PGS1: variants seen among roughly 807,000 people sequenced by gnomAD.
PGS1 encodes CDP-diacylglycerol--glycerol-3-phosphate 3-phosphatidyltransferase, mitochondrial.
In PGS1, 44 loss-of-function variants were observed where a neutral mutation model predicts 58.3. The ratio of observed to expected loss-of-function variants is 0.75; its 90% CI spans 0.59 to 0.97. The LOEUF is 0.97. PGS1 is among the 50% of genes least tolerant of loss of function. PGS1 has a pLI of 0.00. For synonymous variants in PGS1, 330 were observed against 311.0 expected (o/e 1.06, Z -0.64); for missense variants, 684 against 731.1 (o/e 0.94, Z 0.74).
At chr17:78,420,311 A>T in intron 9 of PGS1, 6 of 789,984 alleles carry the variant, frequency 7.6e-6, no homozygotes, top group African/African-American at 1.9e-5. Flanking sequence ...GTGGGGTCCC[A>T]CAGTCACCTG....
At chr17:78,404,113 C>T (rs1246354272) in intron 7 of PGS1, 24 bp downstream of exon 7, 60 of 1,493,426 alleles carry the variant, frequency 4.0e-5, no homozygotes, top group Admixed American at 1.9e-4. Flanking sequence ...GGCTGGAGGA[C>T]GTTCCAGTGT....
chr17:78,402,397 C>T (rs901712280), intron 6 of PGS1, among the ~76,000 whole-genome samples: 1 of 108,288 alleles, frequency 9.2e-6, no homozygotes, highest in African/African-American at 3.2e-5. Flanking sequence ...AATTTCTATT[C>T]ATATATATAT....
chr17:78,394,479 A>G (rs2083075376), intron 2 of PGS1, among the ~76,000 whole-genome samples: 1 of 151,906 alleles, frequency 6.6e-6, no homozygotes. Flanking sequence ...TTTGTACCGA[A>G]TGATGCTGCA....
intron 1 of PGS1, among the ~76,000 whole-genome samples, chr17:78,387,076 C>T (rs1274119667): frequency 1.3e-5 from 2 of 152,104 alleles, no homozygotes; most frequent in African/African-American, 2.4e-5. Context: ...AGTGGTGTGA[C>T]CTCTGCAACC....
intron 3 of PGS1, among the ~76,000 whole-genome samples, chr17:78,397,589 A>AC (rs34040603): frequency 0.17 from 22,464 of 129,722 alleles, 1,963 homozygotes; most frequent in African/African-American, 0.25. Flanking sequence ...GGCATGCGCC[A>AC]CCCCCCCAGC....
intron 7 of PGS1, among the ~76,000 whole-genome samples, chr17:78,409,679 G>A (rs995289946): frequency 6.6e-6 from 1 of 152,230 alleles, no homozygotes; most frequent in African/African-American, 2.4e-5. Flanking sequence ...GGATAAGCCT[G>A]TGATGTCTTC....
Position 78,403,904 on chromosome 17 carries a change from A to G in PGS1, c.1217A>G (p.Tyr406Cys). The G allele has an allele frequency of 6.2e-7, 1 of 1,614,172 alleles. No individual in the cohort carries two copies. The highest frequency in any genetic ancestry group is 2.2e-5 in the East Asian group (1 of 44,892). The change falls in exon 7 of 10, where the codon TAC becomes TGC. Residue 406 changes from tyrosine to cysteine, a missense_variant. Transcript: ENST00000262764. ...MDLVLGTRAEYQILLASPEVN... is the reference protein window; with the variant it reads ...MDLVLGTRAECQILLASPEVN... ...CTGGTCTTGGGCACTCGGGCTGAGT[A>G]CCAGATCCTGCTGGCCTCACCAGAG...
At position 78,400,592 on chromosome 17, in the gene PGS1, A is replaced by G; in HGVS notation, c.702-85A>G. 1 of 1,109,822 alleles carries G rather than the reference A, an allele frequency of 9.0e-7. No individual in the cohort carries two copies. Among genetic ancestry groups the G allele is most frequent in the South Asian group, 1.3e-5 (1 of 76,102 alleles). The allele number at this position is 1,109,822 out of a possible 1,614,324, so 68.7% of individuals were successfully genotyped here. A position where few individuals can be genotyped will look rare whatever the true frequency, so the allele number is the denominator to read the frequency against. On this transcript the variant is annotated intron_variant, in intron 5 of 9. Transcript: ENST00000262764. This position sits in a 1 kb window ranked among gnomAD's most constrained non-coding sequence, Gnocchi z 4.4. ...GACCTGAGTTTGTCACCCCCCTGCT[A>G]GTTCACCTGAGACCTGGGTCACCAG...
chr17:78,414,711 G>A (rs1342751943), intron 7 of PGS1, among the ~76,000 whole-genome samples, 168 bp from the exon 8 acceptor site: 1 of 152,180 alleles, frequency 6.6e-6, no homozygotes, highest in Non-Finnish European at 1.5e-5. Context: ...CGCCGGGGTG[G>A]GGGTGGAAGA....
At chr17:78,394,775 G>A (rs567623940) in intron 2 of PGS1, among the ~76,000 whole-genome samples, 33 of 151,222 alleles carry the variant, frequency 2.2e-4, no homozygotes, top group Non-Finnish European at 3.0e-5. Context: ...GGCTGGTCTC[G>A]AACTCCCGAC....
At chr17:78,395,489 C>G (rs2146167188) in intron 2 of PGS1, among the ~76,000 whole-genome samples, 1 of 152,212 alleles carries the variant, frequency 6.6e-6, no homozygotes, top group Non-Finnish European at 1.5e-5. Context: ...GTGAAGCTGC[C>G]TCCCTCTCAC....
intron 6 of PGS1, among the ~76,000 whole-genome samples, chr17:78,402,274 GT>G (rs1006135091): frequency 6.6e-6 from 1 of 152,150 alleles, no homozygotes; most frequent in South Asian, 2.1e-4. Context: ...CTCCTTCCCT[GT>G]TTCACTTCCC....
At chr17:78,393,969 A>G (rs2083022040) in intron 2 of PGS1, among the ~76,000 whole-genome samples, 2 of 151,832 alleles carry the variant, frequency 1.3e-5, no homozygotes, top group Admixed American at 6.6e-5. Context: ...GGATCACCTG[A>G]GGTCAGGAGT....
At position 78,413,027 on chromosome 17, in the gene PGS1, T is replaced by C. The variant is rs189072327; in HGVS notation, c.1403-1852T>C. Among the ~76,000 whole-genome samples the C allele has an allele frequency of 1.3e-3, 202 of 152,312 alleles. 1 individual carries two copies. Among genetic ancestry groups the C allele is most frequent in the African/African-American group, 4.7e-3 (196 of 41,576 alleles). ...ACCAACCTGGGCAGCGTGAGCCATC[T>C]GGATCAGAGCCACCAGGGGAAGGGG... is the stretch of plus-strand genomic sequence containing the variant. On this transcript the variant is annotated intron_variant, in intron 7 of 9. Transcript: ENST00000262764.
At position 78,378,656 on chromosome 17, in the gene PGS1, G is replaced by T; in HGVS notation, c.-10G>T. The T allele has an allele frequency of 6.5e-7, 1 of 1,528,130 alleles. No individual in the cohort carries two copies. The highest frequency in any genetic ancestry group is 8.7e-7 in the Non-Finnish European group (1 of 1,145,770). The allele number at this position is 1,528,130 out of a possible 1,614,324, so 94.7% of individuals were successfully genotyped here. A position where few individuals can be genotyped will look rare whatever the true frequency, so the allele number is the denominator to read the frequency against. ...CCCGCCGGGAGCGGAAGCGGAAGCG[G>T]CGAGTCTCCATGGCGGTGGCGGCGG... is the stretch of plus-strand genomic sequence containing the variant. On this transcript the variant is annotated 5_prime_UTR_variant, in exon 1 of 10. Coordinates refer to ENST00000262764, the MANE Select transcript of PGS1 (RefSeq NM_024419.5).
intron 7 of PGS1, among the ~76,000 whole-genome samples, chr17:78,413,845 T>C (rs2084940397): frequency 6.6e-6 from 1 of 152,258 alleles, no homozygotes; most frequent in South Asian, 2.1e-4. Flanking sequence ...GCTTGTCATC[T>C]CAGGTAACAC....
At chr17:78,420,144 G>A (rs1467758264) in intron 9 of PGS1, 4 of 1,013,338 alleles carry the variant, frequency 3.9e-6, no homozygotes, top group Non-Finnish European at 4.7e-6. Flanking sequence ...CACAGGGTGG[G>A]GCGTCGGTAG....
chr17:78,402,582 G>C (rs910545759), intron 6 of PGS1, among the ~76,000 whole-genome samples: 1 of 152,060 alleles, frequency 6.6e-6, no homozygotes, highest in Admixed American at 6.6e-5. Flanking sequence ...CGAGTAGCTG[G>C]GGTTACAGGC....
chr17:78,417,978 G>T (rs1369596718), intron 8 of PGS1, among the ~76,000 whole-genome samples: 2 of 149,454 alleles, frequency 1.3e-5, no homozygotes, highest in Non-Finnish European at 3.0e-5. Context: ...CGCCCAGGCT[G>T]GAGTGCAGTG....
Sources: gnomAD v4.1 joint callset for allele counts (sites outside exome capture counted in the v4.1 genomes callset) on GRCh38, gnomAD v4.1.1 for gene constraint, Gnocchi (gnomAD v3.1) non-coding constraint, MANE v1.5 for transcripts, NCBI Gene and HGNC (gene_info 2026-07-23, HGNC 2026-07-21) for gene names.